The following PALLD variants were observed in gnomAD, a reference collection of about 807,000 sequenced individuals.
PALLD encodes the protein palladin.
Under a neutral mutation model 123.5 loss-of-function variants are expected in PALLD, and 61 were observed. The observed-to-expected ratio is 0.49, with a 90% CI of 0.40 to 0.61. PALLD has a LOEUF of 0.61. Among genes scored for constraint, PALLD ranks in the 20% least tolerant of loss-of-function variants. PALLD has a pLI of 0.00. For missense variants in PALLD, 1,273 were observed against 1,377.0 expected (o/e 0.92, Z 1.20); for synonymous variants, 465 against 496.4 (o/e 0.94, Z 0.84).
intron 10 of PALLD, among the ~76,000 whole-genome samples, chr4:168,731,043 T>C (rs1787123443): frequency 6.6e-6 from 1 of 152,182 alleles, no homozygotes; most frequent in Non-Finnish European, 1.5e-5. Flanking sequence ...AGTCTTCTTG[T>C]ACTAAGCTCC....
At chr4:168,870,388 T>C (rs1750919036) in intron 10 of PALLD, among the ~76,000 whole-genome samples, 1 of 152,232 alleles carries the variant, frequency 6.6e-6, no homozygotes, top group Admixed American at 6.5e-5. Flanking sequence ...GACAGAATAT[T>C]CACAGAACAG....
chr4:168,520,037 G>A (rs552908483), intron 2 of PALLD, among the ~76,000 whole-genome samples: 1 of 152,104 alleles, frequency 6.6e-6, no homozygotes, highest in African/African-American at 2.4e-5. Context: ...TAAGAGAATG[G>A]CACCTTTCGC....
chr4:168,757,725 A>G (rs77660472), intron 10 of PALLD, among the ~76,000 whole-genome samples: 3,148 of 152,358 alleles, frequency 0.021, 105 homozygotes, highest in East Asian at 0.17. Context: ...CAACGGCAAT[A>G]GTAACAGGTG....
intron 15 of PALLD, among the ~76,000 whole-genome samples, chr4:168,909,659 TAATAA>T: frequency 6.6e-6 from 1 of 152,286 alleles, no homozygotes; most frequent in South Asian, 2.1e-4. Context: ...ATGAGAAAAT[TAATAA>T]AAGCAAATGC....
chr4:168,768,341 C>T (rs538274481), intron 10 of PALLD, among the ~76,000 whole-genome samples: 1 of 152,330 alleles, frequency 6.6e-6, no homozygotes, highest in African/African-American at 2.4e-5. Context: ...TCCGCTCTAC[C>T]TGTGAGTGCT....
intron 10 of PALLD, among the ~76,000 whole-genome samples, chr4:168,882,639 G>A (rs1166445883): frequency 1.3e-5 from 2 of 152,120 alleles, no homozygotes; most frequent in Non-Finnish European, 2.9e-5. Context: ...TGACCTGAAG[G>A]GGTTGGAGGT....
chr4:168,681,787 ATCC>A (rs536591692), intron 4 of PALLD, among the ~76,000 whole-genome samples: 176 of 152,092 alleles, frequency 1.2e-3, no homozygotes, highest in African/African-American at 4.0e-3. Flanking sequence ...GACTCAAGCG[ATCC>A]TCCTGCCTCA....
intron 10 of PALLD, among the ~76,000 whole-genome samples, chr4:168,784,392 G>A (rs1055457331): frequency 2.6e-4 from 39 of 152,184 alleles, no homozygotes; most frequent in Non-Finnish European, 3.2e-4. Context: ...TCCAGTTCCA[G>A]CACACAGTGC....
At chr4:168,887,336 A>G (rs1011595293) in intron 10 of PALLD, among the ~76,000 whole-genome samples, 3 of 152,184 alleles carry the variant, frequency 2.0e-5, no homozygotes, top group African/African-American at 7.2e-5. Flanking sequence ...CTTATTCTAC[A>G]GTGAATAGAC....
chr4:168,621,171 T>C (rs1481537183), intron 2 of PALLD, among the ~76,000 whole-genome samples: 1 of 152,252 alleles, frequency 6.6e-6, no homozygotes, highest in Non-Finnish European at 1.5e-5. Context: ...TAGCCATTGA[T>C]AAACCTCTGA....
intron 2 of PALLD, among the ~76,000 whole-genome samples, chr4:168,594,294 T>C (rs1414083149): frequency 6.6e-6 from 1 of 152,106 alleles, no homozygotes; most frequent in East Asian, 1.9e-4. Flanking sequence ...GCTGAATAAA[T>C]AGACGTGGAT....
intron 10 of PALLD, among the ~76,000 whole-genome samples, chr4:168,852,991 T>C (rs1560796906): frequency 1.3e-5 from 2 of 152,236 alleles, no homozygotes; most frequent in Non-Finnish European, 2.9e-5. Flanking sequence ...TTACAAAAAA[T>C]GTCAAGTTTA....
intron 2 of PALLD, among the ~76,000 whole-genome samples, chr4:168,517,531 A>G (rs1280123901): frequency 6.6e-6 from 1 of 152,250 alleles, no homozygotes; most frequent in Non-Finnish European, 1.5e-5. Flanking sequence ...ATCAAAAGCC[A>G]AAACAAGAGG....
intron 9 of PALLD, 25 bp downstream of exon 9, chr4:168,709,172 C>G (rs375172499): frequency 9.3e-6 from 15 of 1,612,284 alleles, no homozygotes; most frequent in African/African-American, 5.3e-5. Flanking sequence ...AAAAAAATGA[C>G]TGGGTTCTGT....
chr4:168,568,744 G>A (rs1768666484), intron 2 of PALLD, among the ~76,000 whole-genome samples: 1 of 150,580 alleles, frequency 6.6e-6, no homozygotes, highest in South Asian at 2.1e-4. Flanking sequence ...GTGTATGTAG[G>A]TATATATGTA....
At chr4:168,599,553 A>C (rs913739491) in intron 2 of PALLD, among the ~76,000 whole-genome samples, 1 of 152,228 alleles carries the variant, frequency 6.6e-6, no homozygotes, top group South Asian at 2.1e-4. Flanking sequence ...TAAGTGGGAG[A>C]ATAGTGCAAG....
At chr4:168,758,027 C>T (rs548233587) in intron 10 of PALLD, among the ~76,000 whole-genome samples, 19 of 152,294 alleles carry the variant, frequency 1.2e-4, no homozygotes, top group South Asian at 2.1e-4. Flanking sequence ...GCTGAGATCA[C>T]GCAACTACAC....
intron 2 of PALLD, among the ~76,000 whole-genome samples, chr4:168,556,314 C>T (rs1367472635): frequency 6.6e-6 from 1 of 152,128 alleles, no homozygotes; most frequent in African/African-American, 2.4e-5. Context: ...CCAGGATGCT[C>T]TCGATCTCCT....
chr4:168,925,666 A>T (rs1285758624), intron 21 of PALLD, among the ~76,000 whole-genome samples: 2 of 152,202 alleles, frequency 1.3e-5, no homozygotes, highest in Non-Finnish European at 2.9e-5. Flanking sequence ...AATCAGCATT[A>T]TGTTATCCAT....
Sources: gnomAD v4.1 joint callset for allele counts (sites outside exome capture counted in the v4.1 genomes callset) on GRCh38, gnomAD v4.1.1 for gene constraint, MANE v1.5 for transcripts, NCBI Gene and HGNC (gene_info 2026-07-23, HGNC 2026-07-21) for gene names.